Variants in ZNF804B observed in about 807,000 individuals in gnomAD.
ZNF804B encodes zinc finger protein 804B, also known as zinc finger 804B.
ZNF804B carries 80 observed loss-of-function variants against 101.4 expected under a neutral mutation model. The ratio of observed to expected loss-of-function variants is 0.79; its 90% CI spans 0.66 to 0.95. ZNF804B has a LOEUF of 0.95. Among genes scored for constraint, ZNF804B ranks in the 40% least tolerant of loss-of-function variants. The pLI is 0.00. For synonymous variants in ZNF804B, 622 were observed against 558.8 expected (o/e 1.11, Z -1.59); for missense variants, 1,673 against 1,561.9 (o/e 1.07, Z -1.20).
At chr7:89,174,481 T>C (rs901240369) in intron 1 of ZNF804B, among the ~76,000 whole-genome samples, 4 of 152,072 alleles carry the variant, frequency 2.6e-5, no homozygotes, top group African/African-American at 9.7e-5. Context: ...TGTACCACAT[T>C]TTCTTTATCT....
chr7:89,045,172 G>A (rs904731804), intron 1 of ZNF804B, among the ~76,000 whole-genome samples: 1 of 152,220 alleles, frequency 6.6e-6, no homozygotes, highest in Non-Finnish European at 1.5e-5. Flanking sequence ...CAGCTTCCAG[G>A]AGGTGTTGGG....
chr7:88,795,566 A>G (rs1242196196), intron 1 of ZNF804B: 1 of 152,134 alleles, frequency 6.6e-6, no homozygotes, highest in African/African-American at 2.4e-5. Flanking sequence ...TGTAAGGGCT[A>G]CATGAAAGTA....
intron 1 of ZNF804B, among the ~76,000 whole-genome samples, chr7:89,127,257 C>G (rs1424207748): frequency 6.6e-6 from 1 of 151,846 alleles, no homozygotes; most frequent in African/African-American, 2.4e-5. Context: ...CTTTAAGAAT[C>G]TATGAATACA....
chr7:88,900,927 G>A (rs997161853), intron 1 of ZNF804B, among the ~76,000 whole-genome samples: 14 of 151,490 alleles, frequency 9.2e-5, no homozygotes, highest in East Asian at 5.8e-4. Flanking sequence ...TAAAATAGCC[G>A]TAGTACATAC....
At chr7:89,090,839 C>A (rs1314862845) in intron 1 of ZNF804B, among the ~76,000 whole-genome samples, 1 of 151,736 alleles carries the variant, frequency 6.6e-6, no homozygotes, top group Non-Finnish European at 1.5e-5. Context: ...TACATATACC[C>A]ACAGAGAGTA....
chr7:89,095,563 A>G (rs189332511), intron 1 of ZNF804B, among the ~76,000 whole-genome samples: 2 of 152,310 alleles, frequency 1.3e-5, no homozygotes, highest in East Asian at 3.9e-4. Context: ...AAAACATAAC[A>G]CAGGTCAGTG....
rs1788953515 is a variant in ZNF804B at position 89,219,776 on chromosome 7, G to C, written c.249+1481G>C. Among the ~76,000 whole-genome samples the C allele has an allele frequency of 1.3e-5, 2 of 151,002 alleles. 1 individual carries two copies. Among genetic ancestry groups the C allele is most frequent in the Admixed American group, 1.3e-4 (2 of 15,128 alleles). On this transcript the variant is annotated intron_variant, in intron 2 of 3. Transcript: ENST00000333190. ...ATACTCTATCTCAAATATTTATTCA[G>C]ATTAAACAAAAATAAATCTTTCGTC...
intron 1 of ZNF804B, among the ~76,000 whole-genome samples, chr7:89,072,504 A>G (rs1789556935): frequency 6.6e-6 from 1 of 152,184 alleles, no homozygotes; most frequent in African/African-American, 2.4e-5. Context: ...AACTTGCACT[A>G]TCTCATCCAA....
chr7:88,942,553 G>A (rs1194922794), intron 1 of ZNF804B, among the ~76,000 whole-genome samples: 2 of 145,388 alleles, frequency 1.4e-5, no homozygotes, highest in African/African-American at 5.0e-5. Context: ...TTATCGTAAG[G>A]TCTTTGTTCT....
At chr7:89,256,436 A>T (rs778774816) in intron 2 of ZNF804B, among the ~76,000 whole-genome samples, 1 of 151,876 alleles carries the variant, frequency 6.6e-6, no homozygotes, top group Non-Finnish European at 1.5e-5. Flanking sequence ...TCCCAGCTAC[A>T]TGGGAGACTG....
intron 1 of ZNF804B, among the ~76,000 whole-genome samples, chr7:89,034,870 G>C (rs151082288): frequency 6.2e-4 from 95 of 152,226 alleles, no homozygotes; most frequent in African/African-American, 2.2e-3. Context: ...CCCACCAAAA[G>C]TGTAAAAGCA....
At chr7:88,877,007 AATATATATATATATATATAATATATAT>A (rs1562820297) in intron 1 of ZNF804B, among the ~76,000 whole-genome samples, 29 of 75,156 alleles carry the variant, frequency 3.9e-4, no homozygotes, top group Admixed American at 5.6e-4. Context: ...TGAAAAAAAA[AATATATATATATATATATAATATATAT>A]ATATATATAT....
At chr7:89,098,801 G>T (rs1157298853) in intron 1 of ZNF804B, among the ~76,000 whole-genome samples, 1 of 151,796 alleles carries the variant, frequency 6.6e-6, no homozygotes, top group Non-Finnish European at 1.5e-5. Context: ...TAATGACTCT[G>T]AACTGTAAAC....
chr7:88,995,802 T>C (rs1788185394), intron 1 of ZNF804B, among the ~76,000 whole-genome samples: 1 of 152,094 alleles, frequency 6.6e-6, no homozygotes, highest in Non-Finnish European at 1.5e-5. Context: ...GTCTATAATA[T>C]ATGCCTTTGT....
chr7:88,852,675 G>A (rs1791465516), intron 1 of ZNF804B, among the ~76,000 whole-genome samples: 1 of 152,136 alleles, frequency 6.6e-6, no homozygotes, highest in African/African-American at 2.4e-5. Context: ...GATTTAAGCA[G>A]TGTACAAGAC....
At chr7:88,867,543 C>A (rs1008067142) in intron 1 of ZNF804B, among the ~76,000 whole-genome samples, 1 of 152,196 alleles carries the variant, frequency 6.6e-6, no homozygotes, top group South Asian at 2.1e-4. Context: ...GGGGGATTTT[C>A]CTCACTAAGT....
chr7:89,243,701 G>A (rs1789404853), intron 2 of ZNF804B, among the ~76,000 whole-genome samples: 1 of 151,702 alleles, frequency 6.6e-6, no homozygotes, highest in Non-Finnish European at 1.5e-5. Context: ...TTGGAAAGCA[G>A]TCTTATCTAT....
chr7:89,010,377 A>G (rs915580789), intron 1 of ZNF804B, among the ~76,000 whole-genome samples: 3 of 152,148 alleles, frequency 2.0e-5, no homozygotes, highest in Non-Finnish European at 4.4e-5. Flanking sequence ...TAAAGTGGGG[A>G]AAAAAGTAAC....
chr7:89,224,882 T>G (rs1029701893), intron 2 of ZNF804B, among the ~76,000 whole-genome samples: 1 of 151,988 alleles, frequency 6.6e-6, no homozygotes, highest in African/African-American at 2.4e-5. Flanking sequence ...CCCAAATTAC[T>G]GTCTGTATCT....
Sources: gnomAD v4.1 joint callset for allele counts (sites outside exome capture counted in the v4.1 genomes callset) on GRCh38, gnomAD v4.1.1 for gene constraint, MANE v1.5 for transcripts, NCBI Gene and HGNC (gene_info 2026-07-23, HGNC 2026-07-21) for gene names.